The following GPD2 variants were observed in gnomAD, a reference collection of about 807,000 sequenced individuals.
The protein encoded by GPD2 is glycerol-3-phosphate dehydrogenase, mitochondrial.
In GPD2, 54 loss-of-function variants were observed where a neutral mutation model predicts 82.4. The ratio of observed to expected loss-of-function variants is 0.66; its 90% CI spans 0.53 to 0.82. The LOEUF is 0.82. GPD2 is among the 40% of genes least tolerant of loss of function. The pLI is 0.00. For synonymous variants in GPD2, 288 were observed against 306.1 expected (o/e 0.94, Z 0.62); for missense variants, 748 against 896.2 (o/e 0.83, Z 2.11).
intron 2 of GPD2, among the ~76,000 whole-genome samples, chr2:156,493,952 G>GTA: frequency 8.5e-6 from 1 of 116,978 alleles, no homozygotes; most frequent in Non-Finnish European, 1.9e-5. Context: ...GTGTGTGTGT[G>GTA]TGTGTGTATA....
chr2:156,410,270 CCTAGT>C, the GPD2 span, among the ~76,000 whole-genome samples: 3 of 152,070 alleles, frequency 2.0e-5, no homozygotes, highest in East Asian at 5.8e-4. Context: ...TAGAATAATT[CCTAGT>C]CTAAAGGTTT....
intron 6 of GPD2, among the ~76,000 whole-genome samples, chr2:156,518,384 C>G (rs923320130): frequency 6.6e-6 from 1 of 152,152 alleles, no homozygotes; most frequent in Non-Finnish European, 1.5e-5. Context: ...CTCCCAGTCA[C>G]GAGCTGGAGG....
intron 7 of GPD2, among the ~76,000 whole-genome samples, chr2:156,550,104 A>C (rs913877772): frequency 1.3e-5 from 2 of 152,222 alleles, no homozygotes; most frequent in Non-Finnish European, 2.9e-5. Flanking sequence ...TCAAAGTATC[A>C]TTTGGGTGAC....
intron 2 of GPD2, among the ~76,000 whole-genome samples, chr2:156,486,262 C>A (rs1683934178): frequency 6.6e-6 from 1 of 152,184 alleles, no homozygotes. Flanking sequence ...ATGGCAATAT[C>A]TTTGAGTTAT....
At chr2:156,510,031 C>A (rs1684937605) in intron 3 of GPD2, among the ~76,000 whole-genome samples, 1 of 152,082 alleles carries the variant, frequency 6.6e-6, no homozygotes, top group South Asian at 2.1e-4. Flanking sequence ...GATCCACCCG[C>A]CTCCGCCTCT....
chr2:156,402,299 G>C, the GPD2 span, among the ~76,000 whole-genome samples: 1 of 152,168 alleles, frequency 6.6e-6, no homozygotes, highest in Admixed American at 6.5e-5. Flanking sequence ...ACTGAAATAA[G>C]GTAATGACTT....
intron 6 of GPD2, among the ~76,000 whole-genome samples, chr2:156,538,794 C>T (rs1380444222): frequency 1.5e-5 from 2 of 131,964 alleles, no homozygotes; most frequent in African/African-American, 5.8e-5. Context: ...GCACTGCAGC[C>T]TGTGCAACAG....
chr2:156,571,348 A>C, intron 13 of GPD2, 56 bp downstream of exon 13: 2 of 1,086,168 alleles, frequency 1.8e-6, no homozygotes, highest in African/African-American at 1.6e-5. Flanking sequence ...GGAATGGCTT[A>C]ATTTGTTAGT....
At chr2:156,424,646 A>C in the GPD2 span, among the ~76,000 whole-genome samples, 6 of 152,262 alleles carry the variant, frequency 3.9e-5, no homozygotes, top group Admixed American at 1.3e-4. Context: ...CAAATGCATT[A>C]TATCAAACCT....
intron 6 of GPD2, among the ~76,000 whole-genome samples, chr2:156,537,435 T>G (rs1019014514): frequency 2.6e-5 from 4 of 152,206 alleles, no homozygotes; most frequent in Non-Finnish European, 5.9e-5. Flanking sequence ...GAAAGCATGG[T>G]ATTTGATTCA....
intron 1 of GPD2, among the ~76,000 whole-genome samples, chr2:156,462,453 A>ATTTTT: frequency 8.5e-6 from 1 of 118,182 alleles, no homozygotes; most frequent in Middle Eastern, 4.3e-3. Context: ...ACCCGGATAC[A>ATTTTT]TTTTTTTTTT....
rs1688165254 is a variant in GPD2, at chr2:156,585,054, C to T, written c.*2136C>T. 1 of 151,942 alleles carries T rather than the reference C, an allele frequency of 6.6e-6. No individual in the cohort carries two copies. Among genetic ancestry groups the T allele is most frequent in the Non-Finnish European group, 1.5e-5 (1 of 67,934 alleles). The allele number at this position is 151,942 out of a possible 1,614,324, so 9.4% of individuals were successfully genotyped here. The stretch of plus-strand genomic sequence containing the variant: ...CACACTTTTCTTCTTTTGAGCATAT[C>T]TGCTTTTACTTTAAATCTGCTAATT... On this transcript the variant is annotated 3_prime_UTR_variant, in exon 17 of 17. Transcript: ENST00000438166.
chr2:156,556,863 G>C (rs1411360412), intron 8 of GPD2, among the ~76,000 whole-genome samples: 1 of 152,100 alleles, frequency 6.6e-6, no homozygotes, highest in East Asian at 1.9e-4. Flanking sequence ...AAGTAGTAAA[G>C]AACTTTGTGA....
Position 156,524,560 on chromosome 2 carries a change from T to C in GPD2, c.661+11064T>C, listed in dbSNP as rs188292013. On this transcript the variant is annotated intron_variant, in intron 6 of 16. Transcript: ENST00000438166. ...GGCTAGCTTGGACTTTTTCACAGGG[T>C]ACAGACTTCTTATGTGGTGGCTGGC... Among the ~76,000 whole-genome samples, 14 of 152,246 alleles carry C rather than the reference T, an allele frequency of 9.2e-5. No individual in the cohort carries two copies. The East Asian group carries it at 2.7e-3, about 29-fold the overall frequency.
chr2:156,550,245 A>G (rs1686706099), intron 7 of GPD2, among the ~76,000 whole-genome samples: 1 of 152,222 alleles, frequency 6.6e-6, no homozygotes, highest in African/African-American at 2.4e-5. Context: ...GCTCTATGAT[A>G]TACATTTTCT....
chr2:156,400,820 G>A, the GPD2 span, among the ~76,000 whole-genome samples: 2 of 152,158 alleles, frequency 1.3e-5, no homozygotes, highest in Non-Finnish European at 2.9e-5. Context: ...GAGGTCCCGG[G>A]TTCAATCCCC....
chr2:156,553,170 G>A (rs1220677710), intron 8 of GPD2, among the ~76,000 whole-genome samples: 1 of 152,018 alleles, frequency 6.6e-6, no homozygotes, highest in Non-Finnish European at 1.5e-5. Context: ...TTACAGACGT[G>A]AGCCACTGTG....
the GPD2 span, among the ~76,000 whole-genome samples, chr2:156,418,048 C>A: frequency 6.6e-6 from 1 of 151,872 alleles, no homozygotes; most frequent in African/African-American, 2.4e-5. Context: ...AACCCCATCT[C>A]TACTAAAAAT....
intron 3 of GPD2, among the ~76,000 whole-genome samples, chr2:156,498,279 A>G (rs76079257): frequency 3.3e-5 from 5 of 152,216 alleles, no homozygotes; most frequent in Non-Finnish European, 5.9e-5. Context: ...CCACAGTTCT[A>G]TAGTGCTTGT....
Sources: gnomAD v4.1 joint callset for allele counts (sites outside exome capture counted in the v4.1 genomes callset) on GRCh38, gnomAD v4.1.1 for gene constraint, MANE v1.5 for transcripts, NCBI Gene and HGNC (gene_info 2026-07-23, HGNC 2026-07-21) for gene names.